Variants in CDH18 observed in about 807,000 individuals in gnomAD.
The protein encoded by CDH18 is cadherin-18.
Under a neutral mutation model 67.9 loss-of-function variants are expected in CDH18, and 31 were observed. The ratio of observed to expected loss-of-function variants is 0.46; its 90% CI spans 0.34 to 0.62. The LOEUF (loss-of-function observed/expected upper bound fraction) is 0.62. CDH18 is among the 20% of genes least tolerant of loss of function. The pLI is 0.01. For missense variants in CDH18, 890 were observed against 975.5 expected, an observed-to-expected ratio of 0.91 and a Z score of 1.17; for synonymous variants, 362 against 347.2, an observed-to-expected ratio of 1.04 and a Z score of -0.48.
chr5:20,062,545 C>T (rs1373465538), intron 2 of CDH18, among the ~76,000 whole-genome samples: 1 of 152,086 alleles, frequency 6.6e-6, no homozygotes, highest in African/African-American at 2.4e-5. Context: ...TAACAGATTG[C>T]TTCATCAAGG....
intron 2 of CDH18, among the ~76,000 whole-genome samples, chr5:19,842,955 TGAACTTGAGAGAGAAG>T (rs1201463315): frequency 6.6e-6 from 1 of 152,144 alleles, no homozygotes; most frequent in Non-Finnish European, 1.5e-5. Context: ...TGTGGAACTT[TGAACTTGAGAGAGAAG>T]GTCTGGCATT....
At chr5:20,474,254 G>T (rs894156576) in intron 1 of CDH18, among the ~76,000 whole-genome samples, 2 of 152,084 alleles carry the variant, frequency 1.3e-5, no homozygotes, top group African/African-American at 2.4e-5. Context: ...TTTCCAGCCT[G>T]GGCGACAGAG....
intron 2 of CDH18, among the ~76,000 whole-genome samples, chr5:19,876,873 C>T (rs1162625017): frequency 1.3e-5 from 2 of 152,084 alleles, no homozygotes; most frequent in African/African-American, 4.8e-5. Flanking sequence ...GGTGGCTATA[C>T]AACTCAGTTC....
chr5:19,658,096 T>C (rs1174377007), intron 5 of CDH18, among the ~76,000 whole-genome samples: 1 of 149,870 alleles, frequency 6.7e-6, no homozygotes, highest in Non-Finnish European at 1.5e-5. Flanking sequence ...AATTAATATA[T>C]GATTAATCTC....
At chr5:19,694,830 C>T (rs111919265) in intron 5 of CDH18, among the ~76,000 whole-genome samples, 93 of 149,948 alleles carry the variant, frequency 6.2e-4, no homozygotes, top group African/African-American at 2.1e-3. Context: ...GCTGAGACTG[C>T]GCCACTGTAC....
Position 19,565,209 on chromosome 5 carries a change from C to T in CDH18, c.1253+6370G>A, listed in dbSNP as rs77696735. Reference sequence around the variant, plus strand: ...GCCTTAAGGGAATATCAGTAGTAGCCAGGCATTAGTAATCAATGGTCTTGG... The same window carrying T: ...GCCTTAAGGGAATATCAGTAGTAGCTAGGCATTAGTAATCAATGGTCTTGG... On this transcript the variant is annotated intron_variant, in intron 8 of 12. Coordinates refer to ENST00000382275, the MANE Select transcript of CDH18 (RefSeq NM_004934.5). Among the ~76,000 whole-genome samples, 1,183 of 152,162 alleles carry T rather than the reference C, an allele frequency of 7.8e-3. 24 individuals are homozygous for T. Among genetic ancestry groups the T allele is most frequent in the African/African-American group, 0.027 (1,124 of 41,492 alleles).
At chr5:19,736,831 T>C (rs1394308836) in intron 4 of CDH18, among the ~76,000 whole-genome samples, 2 of 152,180 alleles carry the variant, frequency 1.3e-5, no homozygotes, top group East Asian at 3.9e-4. Context: ...AAATTGGCCA[T>C]TTAGCTTGTG....
intron 9 of CDH18, among the ~76,000 whole-genome samples, chr5:19,533,936 T>G (rs776428215): frequency 6.6e-6 from 1 of 152,138 alleles, no homozygotes; most frequent in Non-Finnish European, 1.5e-5. Context: ...AAAATAAATA[T>G]CTAGCAATGC....
chr5:19,706,887 G>A (rs940633134), intron 5 of CDH18, among the ~76,000 whole-genome samples: 1 of 152,138 alleles, frequency 6.6e-6, no homozygotes, highest in Non-Finnish European at 1.5e-5. Context: ...ACTGAATCTA[G>A]CATTATTGAC....
chr5:19,922,670 G>A (rs1013789614), intron 2 of CDH18, among the ~76,000 whole-genome samples: 8 of 152,034 alleles, frequency 5.3e-5, no homozygotes, highest in South Asian at 2.1e-4. Flanking sequence ...TTTCTATACC[G>A]GGAAATTGTT....
chr5:19,686,971 ATGACAAG>A (rs1473762921), intron 5 of CDH18, among the ~76,000 whole-genome samples: 2 of 152,216 alleles, frequency 1.3e-5, no homozygotes, highest in African/African-American at 4.8e-5. Flanking sequence ...AAAAACCAAC[ATGACAAG>A]TGGATGATCA....
At chr5:20,555,241 G>C (rs1158173080) in intron 1 of CDH18, among the ~76,000 whole-genome samples, 1 of 151,914 alleles carries the variant, frequency 6.6e-6, no homozygotes, top group African/African-American at 2.4e-5. Flanking sequence ...TACCGGCCAG[G>C]AAGACAGCCT....
At chr5:20,452,737 C>T (rs1009397488) in intron 1 of CDH18, among the ~76,000 whole-genome samples, 10 of 152,016 alleles carry the variant, frequency 6.6e-5, no homozygotes, top group African/African-American at 2.2e-4. Flanking sequence ...AACAAACTTG[C>T]ACACGTACCC....
intron 1 of CDH18, among the ~76,000 whole-genome samples, chr5:20,482,651 G>T (rs550644451): frequency 1.1e-4 from 16 of 152,120 alleles, no homozygotes; most frequent in Admixed American, 4.6e-4. Flanking sequence ...TATATCATAT[G>T]ATCAGAATGA....
At chr5:19,634,170 T>A (rs1027492882) in intron 5 of CDH18, among the ~76,000 whole-genome samples, 2 of 152,254 alleles carry the variant, frequency 1.3e-5, no homozygotes, top group Non-Finnish European at 2.9e-5. Context: ...CATGAAGCTA[T>A]GTTTGCAGAA....
chr5:20,354,657 C>T (rs1741459355), intron 1 of CDH18, among the ~76,000 whole-genome samples: 1 of 152,266 alleles, frequency 6.6e-6, no homozygotes, highest in Admixed American at 6.5e-5. Flanking sequence ...AGCGAACCAC[C>T]TACCTAGGTG....
In CDH18 at chr5:20,501,556, AATATATATATATAAT is replaced by A. The variant is rs1754287908; in HGVS notation, c.-580+73891_-580+73905del. Among the ~76,000 whole-genome samples the A allele has an allele frequency of 2.2e-4, 13 of 58,440 alleles. No homozygotes were observed. In the South Asian group the frequency reaches 6.6e-3, roughly 29 times the overall value. 38.3% of individuals were successfully genotyped at this position (58,440 alleles called of 152,430 possible). On this transcript the variant is annotated intron_variant, in intron 1 of 14. Coordinates refer to the CDH18 transcript ENST00000507958. Reference sequence around the variant, plus strand: ...TATATTATATACATATTATATATATAATATATATATATAATATATATATATTATATATATATATTA... The same window carrying A: ...TATATTATATACATATTATATATATAATATATATATTATATATATATATTA...
At chr5:20,011,742 A>C (rs1737454910) in intron 2 of CDH18, among the ~76,000 whole-genome samples, 1 of 152,078 alleles carries the variant, frequency 6.6e-6, no homozygotes, top group South Asian at 2.1e-4. Context: ...TTATGTGAGG[A>C]ATCACAACTG....
rs964300644 is a variant in CDH18, at chr5:19,523,014, C to A, written c.1391-2236G>T. Among the ~76,000 whole-genome samples, 5 of 151,924 alleles carry A rather than the reference C, an allele frequency of 3.3e-5. No homozygotes were observed. The East Asian group carries it at 9.7e-4, about 29-fold the overall frequency. ...ACAGAACAGAAACACAAAACAGAACCCAGCCAAAGACCCACTATACATAGA... is the reference window on the plus strand; with the variant it reads ...ACAGAACAGAAACACAAAACAGAACACAGCCAAAGACCCACTATACATAGA... On this transcript the variant is annotated intron_variant, in intron 9 of 12. Coordinates refer to ENST00000382275, the MANE Select transcript of CDH18 (RefSeq NM_004934.5).
Sources: gnomAD v4.1 joint callset for allele counts (sites outside exome capture counted in the v4.1 genomes callset) on GRCh38, gnomAD v4.1.1 for gene constraint, MANE v1.5 for transcripts, NCBI Gene and HGNC (gene_info 2026-07-23, HGNC 2026-07-21) for gene names.